The following MAGI2 variants were observed in gnomAD, a reference collection of about 807,000 sequenced individuals.
MAGI2 encodes membrane associated guanylate kinase, WW and PDZ domain containing 2.
In MAGI2, 35 loss-of-function variants were observed where a neutral mutation model predicts 133.3. The observed-to-expected ratio is 0.26, with a 90% confidence interval of 0.20 to 0.35. The LOEUF is 0.35. MAGI2 is among the 10% of genes least tolerant of loss of function. The probability of loss-of-function intolerance (pLI) is 1.00; values close to 1 mark genes in which losing one functional copy is unlikely to be tolerated. For missense variants in MAGI2, 1,636 were observed against 1,863.4 expected, an observed-to-expected ratio of 0.88 and a Z score of 2.25; for synonymous variants, 729 against 710.6, an observed-to-expected ratio of 1.03 and a Z score of -0.41.
intron 1 of MAGI2, among the ~76,000 whole-genome samples, chr7:79,035,221 A>AG (rs1240299612): frequency 1.1e-3 from 12 of 11,060 alleles, no homozygotes; most frequent in Admixed American, 3.2e-3. Flanking sequence ...CGGCGGGGGC[A>AG]GGGGGGGTGG....
intron 6 of MAGI2, among the ~76,000 whole-genome samples, chr7:78,427,132 A>G (rs1254790813): frequency 2.0e-5 from 3 of 152,166 alleles, no homozygotes; most frequent in African/African-American, 4.8e-5. Context: ...TAAAAATTCA[A>G]TTAGAAGAGG....
intron 1 of MAGI2, among the ~76,000 whole-genome samples, chr7:79,442,965 T>TTGCAGATCAGAA (rs759209568): frequency 6.6e-6 from 1 of 151,428 alleles, no homozygotes; most frequent in African/African-American, 2.4e-5. Context: ...AAATTAGGTA[T>TTGCAGATCAGAA]TGCAGATCAG....
chr7:79,276,738 C>A (rs1835254949), intron 1 of MAGI2, among the ~76,000 whole-genome samples: 1 of 152,126 alleles, frequency 6.6e-6, no homozygotes, highest in Non-Finnish European at 1.5e-5. Context: ...CCAAGGCAGG[C>A]AGATCGCTTG....
intron 1 of MAGI2, among the ~76,000 whole-genome samples, chr7:79,135,335 G>T (rs1821293608): frequency 6.6e-6 from 1 of 152,152 alleles, no homozygotes; most frequent in Admixed American, 6.5e-5. Flanking sequence ...CAGAAGGTGT[G>T]TTACAAAAGG....
chr7:78,657,060 AAAT>A lies in MAGI2; in HGVS notation c.419-29824_419-29822del, dbSNP rs1563308260. On this transcript the variant is annotated intron_variant, in intron 2 of 21. Transcript: ENST00000354212. The stretch of plus-strand genomic sequence containing the variant: ...TCTTCAAGAAGATACAGGAGATGGC[AAAT>A]AAGAATATCAAATGATGATCCATAT... Among the ~76,000 whole-genome samples the A allele has an allele frequency of 3.9e-5, 6 of 152,284 alleles. No individual in the cohort carries two copies. In the East Asian group the frequency reaches 1.2e-3, roughly 29 times the overall value.
chr7:79,437,310 TA>T (rs1848211442), intron 1 of MAGI2, among the ~76,000 whole-genome samples: 1 of 152,098 alleles, frequency 6.6e-6, no homozygotes, highest in Non-Finnish European at 1.5e-5. Flanking sequence ...TATATCCTTG[TA>T]ACAAACCTGT....
At chr7:79,067,182 T>G (rs1814436740) in intron 1 of MAGI2, among the ~76,000 whole-genome samples, 1 of 152,212 alleles carries the variant, frequency 6.6e-6, no homozygotes, top group Admixed American at 6.5e-5. Flanking sequence ...GCATTGAAAC[T>G]AAAAATTACT....
chr7:78,441,279 T>C (rs765325426), intron 6 of MAGI2, among the ~76,000 whole-genome samples: 1 of 152,166 alleles, frequency 6.6e-6, no homozygotes, highest in Non-Finnish European at 1.5e-5. Context: ...CACTTGAAGA[T>C]TGAGGTAAAA....
intron 3 of MAGI2, among the ~76,000 whole-genome samples, chr7:78,594,681 C>G (rs1384557371): frequency 6.6e-6 from 1 of 152,170 alleles, no homozygotes; most frequent in Non-Finnish European, 1.5e-5. Context: ...TGGTCTTGAT[C>G]TCTTGATCTC....
At chr7:79,445,263 T>G (rs1225182012) in intron 1 of MAGI2, among the ~76,000 whole-genome samples, 1 of 152,236 alleles carries the variant, frequency 6.6e-6, no homozygotes, top group South Asian at 2.1e-4. Flanking sequence ...GGGCAAGGAC[T>G]TCATGTCTAA....
At chr7:78,074,122 G>A (rs1406738307) in intron 21 of MAGI2, among the ~76,000 whole-genome samples, 1 of 152,086 alleles carries the variant, frequency 6.6e-6, no homozygotes, top group Non-Finnish European at 1.5e-5. Flanking sequence ...CACTACTTTC[G>A]GGGTGGCATT....
chr7:78,657,613 G>A (rs1005789737), intron 2 of MAGI2, among the ~76,000 whole-genome samples: 1 of 143,214 alleles, frequency 7.0e-6, no homozygotes, highest in Non-Finnish European at 1.5e-5. Flanking sequence ...AAAGGCAAAA[G>A]TTTGGCGACT....
intron 1 of MAGI2, among the ~76,000 whole-genome samples, chr7:79,270,742 AT>A (rs11371506): frequency 0.018 from 2,721 of 150,910 alleles, 37 homozygotes; most frequent in East Asian, 0.031. Context: ...AGTCTTAGTT[AT>A]TTTTTTTTAA....
intron 20 of MAGI2, among the ~76,000 whole-genome samples, chr7:78,121,230 A>G (rs972578005): frequency 7.6e-6 from 1 of 130,912 alleles, no homozygotes; most frequent in Non-Finnish European, 1.7e-5. Flanking sequence ...AGCAGAAACT[A>G]TAAAAAAAAA....
At chr7:78,963,176 C>T (rs1267455723) in intron 2 of MAGI2, among the ~76,000 whole-genome samples, 1 of 152,038 alleles carries the variant, frequency 6.6e-6, no homozygotes, top group African/African-American at 2.4e-5. Context: ...CCTATGGGTG[C>T]TTTTTCACTA....
At chr7:78,868,016 C>T (rs564808) in intron 2 of MAGI2, among the ~76,000 whole-genome samples, 93,315 of 151,832 alleles carry the variant, frequency 0.61, 29,161 homozygotes, top group East Asian at 0.73. Flanking sequence ...TGTGTTGATA[C>T]GATTTTTAAC....
intron 2 of MAGI2, among the ~76,000 whole-genome samples, chr7:78,966,672 T>C (rs1803335803): frequency 6.6e-6 from 1 of 152,138 alleles, no homozygotes; most frequent in East Asian, 1.9e-4. Flanking sequence ...TTGATTTCAA[T>C]TCTTTTGGAT....
At chr7:78,175,625 T>C (rs952182087) in intron 14 of MAGI2, among the ~76,000 whole-genome samples, 2 of 152,186 alleles carry the variant, frequency 1.3e-5, no homozygotes, top group South Asian at 2.1e-4. Flanking sequence ...GGCCCCCAGA[T>C]TCAGAGCTAG....
intron 3 of MAGI2, among the ~76,000 whole-genome samples, chr7:78,610,083 C>A (rs1297147401): frequency 6.6e-6 from 1 of 152,112 alleles, no homozygotes; most frequent in African/African-American, 2.4e-5. Context: ...CACTCTACCC[C>A]TTGATTCCTG....
Sources: gnomAD v4.1 joint callset for allele counts (sites outside exome capture counted in the v4.1 genomes callset) on GRCh38, gnomAD v4.1.1 for gene constraint, MANE v1.5 for transcripts, NCBI Gene and HGNC (gene_info 2026-07-23, HGNC 2026-07-21) for gene names.